ACLY: variants seen among roughly 807,000 people sequenced by gnomAD.
ACLY encodes ATP-citrate synthase.
A neutral mutation model predicts 133.0 loss-of-function variants in ACLY; 41 were observed. The observed-to-expected ratio is 0.31, with a 90% CI of 0.24 to 0.40. The LOEUF is 0.40. ACLY is among the 10% of genes least tolerant of loss of function. The probability of loss-of-function intolerance (pLI) is 1.00; values close to 1 mark genes in which losing one functional copy is unlikely to be tolerated. For missense variants in ACLY, 1,046 were observed against 1,453.8 expected, an observed-to-expected ratio of 0.72 and a Z score of 4.56; for synonymous variants, 495 against 549.3, an observed-to-expected ratio of 0.90 and a Z score of 1.38.
intron 23 of ACLY, 111 bp downstream of exon 23, chr17:41,873,700 A>T (rs782574622): frequency 1.5e-4 from 192 of 1,256,262 alleles, no homozygotes; most frequent in Non-Finnish European, 1.8e-4. Context: ...GTGGCCCCAA[A>T]GATTGATCTT....
intron 18 of ACLY, among the ~76,000 whole-genome samples, chr17:41,885,660 C>T (rs1291499868): frequency 6.6e-6 from 1 of 152,174 alleles, no homozygotes; most frequent in African/African-American, 2.4e-5. Context: ...ATTTATTCCT[C>T]CAGTAGCCCC....
chr17:41,914,790 A>G (rs1555634252), intron 1 of ACLY, among the ~76,000 whole-genome samples: 1 of 152,218 alleles, frequency 6.6e-6, no homozygotes, highest in African/African-American at 2.4e-5. Flanking sequence ...TCACATGTAT[A>G]GGAAAACTCA....
intron 1 of ACLY, among the ~76,000 whole-genome samples, chr17:41,925,054 G>A (rs993919126): frequency 7.2e-5 from 9 of 125,162 alleles, no homozygotes; most frequent in Non-Finnish European, 1.6e-4. Context: ...TTATTATTTT[G>A]AGATGGAGTT....
intron 22 of ACLY, among the ~76,000 whole-genome samples, chr17:41,874,552 C>T (rs538407923): frequency 2.0e-5 from 3 of 150,464 alleles, no homozygotes; most frequent in African/African-American, 7.3e-5. Context: ...GGATTACAGG[C>T]GTGAGACCCA....
intron 6 of ACLY, among the ~76,000 whole-genome samples, chr17:41,908,053 G>A (rs879998461): frequency 2.6e-5 from 4 of 152,160 alleles, no homozygotes; most frequent in African/African-American, 9.7e-5. Context: ...CCAATCAGCA[G>A]GATTCGTTTA....
intron 11 of ACLY, among the ~76,000 whole-genome samples, chr17:41,901,019 A>G (rs1208020578): frequency 2.0e-5 from 3 of 151,418 alleles, no homozygotes; most frequent in Admixed American, 6.6e-5. Context: ...CAGTGGCATG[A>G]TCACGGCTCA....
chr17:41,901,858 AG>A, intron 10 of ACLY, 45 bp from the exon 11 acceptor site: 1 of 1,416,856 alleles, frequency 7.1e-7, no homozygotes, highest in Non-Finnish European at 9.7e-7. Flanking sequence ...GGCAGCCACA[AG>A]TCAATGATTT....
At chr17:41,875,400 AGCCCCCC>A (rs2048711125) in intron 22 of ACLY, among the ~76,000 whole-genome samples, 1 of 137,438 alleles carries the variant, frequency 7.3e-6, no homozygotes, top group Non-Finnish European at 1.6e-5. Context: ...GAAATGGGGG[AGCCCCCC>A]TCCCTCTCCC....
intron 1 of ACLY, among the ~76,000 whole-genome samples, chr17:41,916,587 G>A (rs368452429): frequency 6.6e-6 from 1 of 151,146 alleles, no homozygotes; most frequent in South Asian, 2.1e-4. Context: ...ATGTTGGTCA[G>A]GCTGGTCTCG....
intron 20 of ACLY, among the ~76,000 whole-genome samples, chr17:41,881,749 A>T (rs1555627387): frequency 6.6e-6 from 1 of 152,144 alleles, no homozygotes; most frequent in African/African-American, 2.4e-5. Flanking sequence ...TGCCCCTGCC[A>T]CCACGTCTGG....
chr17:41,868,356 T>C (rs1555624272), intron 28 of ACLY, among the ~76,000 whole-genome samples: 1 of 146,288 alleles, frequency 6.8e-6, no homozygotes, highest in Non-Finnish European at 1.5e-5. Flanking sequence ...GAGAATCGCT[T>C]GAACCCGGGA....
intron 24 of ACLY, 55 bp downstream of exon 24, chr17:41,871,977 A>G: frequency 6.2e-7 from 1 of 1,605,732 alleles, no homozygotes. Flanking sequence ...GCAAAGCAGC[A>G]TGAGGCCAAG....
At chr17:41,895,844 T>TCCACAG (rs1429386150) in intron 14 of ACLY, among the ~76,000 whole-genome samples, 31 of 151,852 alleles carry the variant, frequency 2.0e-4, no homozygotes, top group African/African-American at 6.5e-4. Flanking sequence ...AACAAAGACT[T>TCCACAG]CCCCGCCTCC....
At chr17:41,909,440 C>T (rs1342200434) in intron 5 of ACLY, 70 bp downstream of exon 5, 1 of 1,535,006 alleles carries the variant, frequency 6.5e-7, no homozygotes, top group Non-Finnish European at 8.9e-7. Context: ...CTGCTCTCCC[C>T]AGTCTGTGCC....
chr17:41,886,634 TAAG>T (rs1208451851), intron 17 of ACLY, among the ~76,000 whole-genome samples: 2 of 152,066 alleles, frequency 1.3e-5, no homozygotes, highest in Non-Finnish European at 2.9e-5. Context: ...TTTAATACAG[TAAG>T]AAGTAAAAAT....
At chr17:41,908,763 C>T (rs1555633095) in intron 6 of ACLY, among the ~76,000 whole-genome samples, 1 of 152,166 alleles carries the variant, frequency 6.6e-6, no homozygotes, top group East Asian at 1.9e-4. Context: ...GACTCTGTCT[C>T]TAAGACCAAA....
At chr17:41,871,209 T>A (rs1243781303) in intron 25 of ACLY, among the ~76,000 whole-genome samples, 1 of 152,236 alleles carries the variant, frequency 6.6e-6, no homozygotes, top group South Asian at 2.1e-4. Context: ...CAATCTGTAT[T>A]ATAACATGGA....
chr17:41,920,739 C>T (rs1377120267), upstream of ACLY, among the ~76,000 whole-genome samples: 5 of 151,996 alleles, frequency 3.3e-5, no homozygotes, highest in African/African-American at 1.2e-4. Flanking sequence ...AGAGCCCCCA[C>T]CACCACCATC....
At chr17:41,875,039 G>C (rs1400321533) in intron 22 of ACLY, among the ~76,000 whole-genome samples, 1 of 151,766 alleles carries the variant, frequency 6.6e-6, no homozygotes, top group Non-Finnish European at 1.5e-5. Flanking sequence ...TTCAGATATA[G>C]CTGCCAACCA....
Sources: gnomAD v4.1 joint callset for allele counts (sites outside exome capture counted in the v4.1 genomes callset) on GRCh38, gnomAD v4.1.1 for gene constraint, MANE v1.5 for transcripts, NCBI Gene and HGNC (gene_info 2026-07-23, HGNC 2026-07-21) for gene names.